CDH22: variants seen among roughly 807,000 people sequenced by gnomAD.
CDH22 encodes the protein cadherin-22.
CDH22 carries 30 observed loss-of-function variants against 58.4 expected under a neutral mutation model. The observed-to-expected ratio is 0.51, with a 90% CI of 0.38 to 0.70. The LOEUF is 0.70. CDH22 is among the 30% of genes least tolerant of loss of function. The probability of loss-of-function intolerance (pLI) is 0.00; values close to 1 mark genes in which losing one functional copy is unlikely to be tolerated. For missense variants in CDH22, 1,014 were observed against 1,233.9 expected, an observed-to-expected ratio of 0.82 and a Z score of 2.67; for synonymous variants, 513 against 558.2, an observed-to-expected ratio of 0.92 and a Z score of 1.14.
At chr20:46,177,651 C>T (rs1445010561) in intron 11 of CDH22, among the ~76,000 whole-genome samples, 1 of 152,098 alleles carries the variant, frequency 6.6e-6, no homozygotes, top group African/African-American at 2.4e-5. Flanking sequence ...TACATAGAGA[C>T]TAAAAAAGGA....
intron 3 of CDH22, among the ~76,000 whole-genome samples, chr20:46,231,080 C>G (rs902012194): frequency 2.6e-5 from 4 of 152,186 alleles, no homozygotes. Flanking sequence ...TCCCCTACAG[C>G]TGGTCCAAGC....
chr20:46,175,238 A>G (rs1021023543), intron 11 of CDH22, among the ~76,000 whole-genome samples, 161 bp from the exon 12 acceptor site: 4 of 152,176 alleles, frequency 2.6e-5, no homozygotes, highest in Non-Finnish European at 2.9e-5. Context: ...CATTCTTGCA[A>G]TCAGAACTGA....
chr20:46,257,176 G>C (rs992161399), intron 1 of CDH22, among the ~76,000 whole-genome samples: 1 of 152,058 alleles, frequency 6.6e-6, no homozygotes, highest in Admixed American at 6.5e-5. Context: ...GGGTGTGCTG[G>C]CATGTGCCTG....
chr20:46,176,167 G>A (rs1027471377), intron 11 of CDH22, among the ~76,000 whole-genome samples: 1 of 152,074 alleles, frequency 6.6e-6, no homozygotes, highest in African/African-American at 2.4e-5. Context: ...TTCAGACCTC[G>A]GTTCTGTGTC....
At chr20:46,307,013 G>C (rs1019864594) in intron 1 of CDH22, among the ~76,000 whole-genome samples, 1 of 152,208 alleles carries the variant, frequency 6.6e-6, no homozygotes, top group African/African-American at 2.4e-5. Flanking sequence ...GAGAGAGCTG[G>C]CAACAGCCAA....
chr20:46,241,022 C>T lies in CDH22; in HGVS notation c.491G>A (p.Ser164Asn). 3 of 1,614,072 alleles carry T rather than the reference C, an allele frequency of 1.9e-6. No individual in the cohort carries two copies. The highest frequency in any genetic ancestry group is 2.5e-6 in the Non-Finnish European group (3 of 1,179,982). Residue 164 changes from serine (S) to asparagine (N), a missense_variant, in exon 3 of 12, where the codon AGT becomes AAT. By Grantham distance (46) the Ser-to-Asn change is conservative. Around this residue, in one of 2 missense-constraint regions of CDH22, gnomAD observed 806 missense variants for 1,038.7 expected, o/e 0.78. Coordinates refer to ENST00000537909, the MANE Select transcript of CDH22 (RefSeq NM_021248.3). This position sits in a 1 kb window ranked among gnomAD's most constrained non-coding sequence, Gnocchi z 5.2. Reference sequence around the variant, plus strand: ...GGGGCCGTGCAGGAAGCGGGGCTCACTGTCATTGATGTCCTGCACCTTGAT... The same window carrying T: ...GGGGCCGTGCAGGAAGCGGGGCTCATTGTCATTGATGTCCTGCACCTTGAT... Reference protein sequence around the residue: ...FIIKVQDINDSEPRFLHGPYI... With the variant: ...FIIKVQDINDNEPRFLHGPYI...
chr20:46,182,640 C>T (rs546300416), intron 10 of CDH22, among the ~76,000 whole-genome samples: 34 of 152,336 alleles, frequency 2.2e-4, no homozygotes, highest in Middle Eastern at 6.8e-3. Context: ...CAGCAGCTGG[C>T]TTCAGTTGGG....
Position 46,199,472 on chromosome 20 carries a change from G to A in CDH22, c.1374C>T (p.Asp458=). 6.2e-7 allele frequency: 1 copy of A among 1,613,854 alleles called. No homozygotes were observed. ...TGAIVTGKGL[D]RETAGWHNIT... ...TGTTGTGCCAGCCGGCCGTCTCGCG[G>A]TCCAGCCCCTTGCCAGTCACGATGG... The change falls in exon 8 of 12, where the codon GAC becomes GAT. Residue 458 remains aspartate, a synonymous_variant. Coordinates refer to ENST00000537909, the MANE Select transcript of CDH22 (RefSeq NM_021248.3).
intron 2 of CDH22, among the ~76,000 whole-genome samples, chr20:46,244,006 A>T (rs916822842): frequency 6.6e-6 from 1 of 152,160 alleles, no homozygotes; most frequent in African/African-American, 2.4e-5. Context: ...TACCTCTCTG[A>T]GCCCCTGTGT....
chr20:46,231,868 C>T (rs2086222541), intron 3 of CDH22, among the ~76,000 whole-genome samples: 1 of 152,212 alleles, frequency 6.6e-6, no homozygotes, highest in African/African-American at 2.4e-5. Context: ...TGATCCATTT[C>T]CTCACCTGTA....
intron 1 of CDH22, among the ~76,000 whole-genome samples, chr20:46,307,793 G>C (rs999528666): frequency 3.3e-5 from 5 of 152,042 alleles, no homozygotes; most frequent in Non-Finnish European, 7.4e-5. Flanking sequence ...GCCTCTGGGA[G>C]GGGCCGGGGA....
At chr20:46,218,762 CCGCAAGAT>C (rs1306353809) in intron 4 of CDH22, among the ~76,000 whole-genome samples, 1 of 152,128 alleles carries the variant, frequency 6.6e-6, no homozygotes. Flanking sequence ...GTGGGGGTGA[CCGCAAGAT>C]TAATTCTGCT....
At chr20:46,197,269 T>C (rs1365343416) in intron 8 of CDH22, among the ~76,000 whole-genome samples, 1 of 151,132 alleles carries the variant, frequency 6.6e-6, no homozygotes, top group Non-Finnish European at 1.5e-5. Context: ...TTCAATAAAG[T>C]ATGTGCTGGA....
At chr20:46,304,725 C>G (rs1421508267) in intron 1 of CDH22, among the ~76,000 whole-genome samples, 1 of 152,184 alleles carries the variant, frequency 6.6e-6, no homozygotes, top group Non-Finnish European at 1.5e-5. Flanking sequence ...CCCACATATT[C>G]GGAAAGGTGT....
At chr20:46,296,887 C>T (rs528556815) in intron 1 of CDH22, among the ~76,000 whole-genome samples, 3 of 152,176 alleles carry the variant, frequency 2.0e-5, no homozygotes, top group Non-Finnish European at 2.9e-5. Context: ...GCCCGTAAGA[C>T]GAGCCTGATG....
chr20:46,225,320 G>A (rs1266441485), intron 4 of CDH22, among the ~76,000 whole-genome samples: 2 of 152,190 alleles, frequency 1.3e-5, no homozygotes, highest in Non-Finnish European at 2.9e-5. Flanking sequence ...CAGCATAAGT[G>A]TCCATCGGCA....
At chr20:46,256,093 A>G (rs1427305967) in intron 1 of CDH22, among the ~76,000 whole-genome samples, 2 of 152,236 alleles carry the variant, frequency 1.3e-5, no homozygotes, top group East Asian at 3.9e-4. Context: ...CTGCAGTCAC[A>G]TATGTGACTG....
rs2086375765 is a variant in CDH22 at position 46,251,499 on chromosome 20, C to T, written c.-205G>A. 2 of 452,434 alleles carry T rather than the reference C, an allele frequency of 4.4e-6. No individual in the cohort carries two copies. The highest frequency in any genetic ancestry group is 7.1e-6 in the Non-Finnish European group (2 of 283,384). The allele number at this position is 452,434 out of a possible 1,614,324, so 28.0% of individuals were successfully genotyped here. A position where few individuals can be genotyped will look rare whatever the true frequency, so the allele number is the denominator to read the frequency against. ...GGTACCCGGCTGGAGGGGGAGGGGG[C>T]GCGGCCGCATCCGGGGCATGGACAG... On this transcript the variant is annotated 5_prime_UTR_variant, in exon 2 of 12. Coordinates refer to ENST00000537909, the MANE Select transcript of CDH22 (RefSeq NM_021248.3). This position sits in a 1 kb window ranked among gnomAD's most constrained non-coding sequence, Gnocchi z 6.7.
At chr20:46,277,684 T>C (rs971692455) in intron 1 of CDH22, among the ~76,000 whole-genome samples, 16 of 151,558 alleles carry the variant, frequency 1.1e-4, no homozygotes, top group Non-Finnish European at 1.6e-4. Context: ...ACTGGTCCAG[T>C]GCTGATAAGA....
Sources: gnomAD v4.1 joint callset for allele counts (sites outside exome capture counted in the v4.1 genomes callset) on GRCh38, gnomAD v4.1.1 for gene constraint, gnomAD v4.1.1 regional missense constraint, Gnocchi (gnomAD v3.1) non-coding constraint, MANE v1.5 for transcripts, NCBI Gene and HGNC (gene_info 2026-07-23, HGNC 2026-07-21) for gene names.